RIBC2: variants seen among roughly 807,000 people sequenced by gnomAD.
The protein encoded by RIBC2 is RIB43A-like with coiled-coils protein 2.
A neutral mutation model predicts 44.3 loss-of-function variants in RIBC2; 40 were observed. The observed-to-expected ratio is 0.90, with a 90% confidence interval of 0.70 to 1.18. The LOEUF (loss-of-function observed/expected upper bound fraction) is 1.18. RIBC2 is among the 50% of genes most tolerant of loss of function. The probability of loss-of-function intolerance (pLI) is 0.00; values close to 1 mark genes in which losing one functional copy is unlikely to be tolerated. For missense variants in RIBC2, 459 were observed against 485.5 expected (o/e 0.95, Z 0.51); for synonymous variants, 171 against 175.0 (o/e 0.98, Z 0.18).
chr22:45,426,024 T>C lies in RIBC2; in HGVS notation c.752T>C (p.Leu251Pro). 6.2e-7 allele frequency: 1 copy of C among 1,614,010 alleles called. No homozygotes were observed. The highest frequency in any genetic ancestry group is 2.2e-5 in the East Asian group (1 of 44,872). Residue 251 changes from leucine (L) to proline (P), a missense_variant, in exon 5 of 7, where the codon CTC (leucine) becomes CCC (proline). Coordinates refer to ENST00000614167, the MANE Select transcript of RIBC2 (RefSeq NM_015653.5). ...GACAACTTGGCCGAGATCACCAACC[T>C]CCTGCGTGGGGACCTGCTCTCCGAG... is the stretch of plus-strand genomic sequence containing the variant. The part of the protein sequence containing the change: ...QEDNLAEITN[L>P]LRGDLLSENP...
chr22:45,414,357 C>A lies in RIBC2; in HGVS notation c.165C>A (p.Asp55Glu). The A allele has an allele frequency of 6.4e-7, 1 of 1,551,070 alleles. No individual in the cohort carries two copies. The highest frequency in any genetic ancestry group is 8.7e-7 in the Non-Finnish European group (1 of 1,146,742). Residue 55 changes from aspartate (D) to glutamate (E), a missense_variant, in exon 2 of 7, where the codon GAC becomes GAA. Transcript: ENST00000614167. The stretch of plus-strand genomic sequence containing the variant: ...AAGCCTGGGATGTTCAAGTTCATGA[C>A]CAGAAGATAAAAGAAGCTACTGAAA... ...DTEAWDVQVH[D>E]QKIKEATEKA... is the part of the protein sequence containing the mutation.
rs79630863 is a variant in RIBC2, at chr22:45,430,289, C to T, written c.904-611C>T. ...CAGCCCTAACAAAGCTGACAACACACGGGGAAGTACCCCTTCCTCCACACA... is the reference window on the plus strand; with the variant it reads ...CAGCCCTAACAAAGCTGACAACACATGGGGAAGTACCCCTTCCTCCACACA... On this transcript the variant is annotated intron_variant, in intron 5 of 6. Transcript: ENST00000614167. 6.2e-3 allele frequency among the ~76,000 whole-genome samples: 939 copies of T among 152,314 alleles called. 9 individuals carry two copies. Among genetic ancestry groups the T allele is most frequent in the Middle Eastern group, 0.051 (15 of 294 alleles).
chr22:45,413,732 C>G lies in RIBC2; in HGVS notation c.-155C>G. ...CGAGAGAGCGGGAGCGTCTGTACCT[C>G]TGCGGCGTCACTGGGAGCCCGACGG... On this transcript the variant is annotated 5_prime_UTR_variant, in exon 1 of 7. Coordinates refer to ENST00000614167, the MANE Select transcript of RIBC2 (RefSeq NM_015653.5). The G allele has an allele frequency of 8.3e-7, 1 of 1,200,400 alleles. No individual in the cohort carries two copies. The highest frequency in any genetic ancestry group is 1.2e-6 in the Non-Finnish European group (1 of 861,304). The allele number at this position is 1,200,400 out of a possible 1,614,324, so 74.4% of individuals were successfully genotyped here.
At chr22:45,432,146 A>T in intron 6 of RIBC2, 138 bp from the exon 7 acceptor site, 1 of 575,248 alleles carries the variant, frequency 1.7e-6, no homozygotes, top group Non-Finnish European at 3.1e-6. Context: ...TGGGGGGCTC[A>T]TTAGGTATGA....
At chr22:45,419,986 A>G (rs567110371) in intron 3 of RIBC2, among the ~76,000 whole-genome samples, 3 of 152,326 alleles carry the variant, frequency 2.0e-5, no homozygotes, top group African/African-American at 4.8e-5. Context: ...AGATTGTGCC[A>G]CTGCACTCCA....
At chr22:45,429,200 T>G (rs1420283736) in intron 5 of RIBC2, among the ~76,000 whole-genome samples, 1 of 152,148 alleles carries the variant, frequency 6.6e-6, no homozygotes, top group African/African-American at 2.4e-5. Flanking sequence ...GGGTGGGGCC[T>G]GCAGTCTGTG....
chr22:45,415,782 C>T (rs1380550367), intron 2 of RIBC2, among the ~76,000 whole-genome samples: 1 of 152,160 alleles, frequency 6.6e-6, no homozygotes, highest in East Asian at 1.9e-4. Context: ...TCACCGCAAC[C>T]TCCGCCTCCT....
intron 6 of RIBC2, 21 bp downstream of exon 6, chr22:45,431,087 G>A: frequency 1.3e-6 from 2 of 1,559,568 alleles, no homozygotes; most frequent in South Asian, 1.2e-5. Context: ...GGTGGGACCA[G>A]GGCCAGGTGG....
In RIBC2 at chr22:45,417,705, C is replaced by G; in HGVS notation, c.315C>G (p.Ser105Arg). The change falls in exon 3 of 7, where the codon AGC becomes AGG. Residue 105 changes from serine (S) to arginine (R), a missense_variant. Coordinates refer to ENST00000614167, the MANE Select transcript of RIBC2 (RefSeq NM_015653.5). ...LCRAINDFQQ[S>R]FQKPETRREF... Reference sequence around the variant, plus strand: ...GGGCTATCAATGACTTCCAACAGAGCTTTCAGAAGCCAGAAACTCGCCGTG... The same window carrying G: ...GGGCTATCAATGACTTCCAACAGAGGTTTCAGAAGCCAGAAACTCGCCGTG... 2 of 1,614,104 alleles carry G rather than the reference C, an allele frequency of 1.2e-6. No homozygotes were observed. The highest frequency in any genetic ancestry group is 1.7e-6 in the Non-Finnish European group (2 of 1,180,010).
chr22:45,415,104 C>CT (rs1436068624), intron 2 of RIBC2, among the ~76,000 whole-genome samples: 4 of 151,354 alleles, frequency 2.6e-5, no homozygotes, highest in African/African-American at 9.7e-5. Flanking sequence ...AAATTTCACA[C>CT]TTTGAGAGGC....
rs755926334 is a variant in RIBC2, at chr22:45,414,348, A to G, written c.156A>G (p.Gln52=). 2.2e-5 allele frequency: 34 copies of G among 1,551,162 alleles called. No homozygotes were observed. The East Asian group carries it at 2.4e-4, about 11-fold the overall frequency. Residue 52 remains glutamine, a synonymous_variant, in exon 2 of 7, where the codon CAA becomes CAG. Transcript: ENST00000614167. ...IGGDTEAWDV[Q]VHDQKIKEAT... ...GAGACACTGAAGCCTGGGATGTTCA[A>G]GTTCATGACCAGAAGATAAAAGAAG...
At chr22:45,431,845 C>T (rs2087583229) in intron 6 of RIBC2, among the ~76,000 whole-genome samples, 1 of 152,138 alleles carries the variant, frequency 6.6e-6, no homozygotes, top group East Asian at 1.9e-4. Flanking sequence ...TGGTGGCACA[C>T]AGTTGAAATC....
chr22:45,426,017 A>G lies in RIBC2; in HGVS notation c.745A>G (p.Thr249Ala). Residue 249 changes from threonine to alanine, a missense_variant, in exon 5 of 7, where the codon ACC (threonine) becomes GCC (alanine). By Grantham distance (58) the Thr-to-Ala change is moderately conservative. Coordinates refer to ENST00000614167, the MANE Select transcript of RIBC2 (RefSeq NM_015653.5). ...QEQEDNLAEI[T>A]NLLRGDLLSE... ...ACAAGAGGACAACTTGGCCGAGATC[A>G]CCAACCTCCTGCGTGGGGACCTGCT... 4 of 1,614,100 alleles carry G rather than the reference A, an allele frequency of 2.5e-6. No homozygotes were observed. Among genetic ancestry groups the G allele is most frequent in the Non-Finnish European group, 2.5e-6 (3 of 1,180,026 alleles).
intron 3 of RIBC2, among the ~76,000 whole-genome samples, chr22:45,421,879 T>C (rs2087488509): frequency 6.6e-6 from 1 of 152,054 alleles, no homozygotes; most frequent in Non-Finnish European, 1.5e-5. Flanking sequence ...ACTTCCTCCA[T>C]AGAGTCCTGT....
Position 45,421,498 on chromosome 22 carries a change from ATT to A in RIBC2, c.557-791_557-790del, listed in dbSNP as rs1243537178. Among the ~76,000 whole-genome samples the A allele has an allele frequency of 5.4e-4, 64 of 117,546 alleles. 2 individuals carry two copies. Among genetic ancestry groups the A allele is most frequent in the African/African-American group, 1.5e-3 (46 of 30,170 alleles). The allele number at this position is 117,546 out of a possible 152,430, so 77.1% of individuals were successfully genotyped here. ...CTTGGATGTCTAATTAATTATTATTATTAATAATAGTATTATTAATAATAATA... is the reference window on the plus strand; with the variant it reads ...CTTGGATGTCTAATTAATTATTATTAAATAATAGTATTATTAATAATAATA... On this transcript the variant is annotated intron_variant, in intron 3 of 6. Transcript: ENST00000614167.
At chr22:45,414,530 G>T (rs1296340399) in intron 2 of RIBC2, 127 bp downstream of exon 2, 2 of 565,524 alleles carry the variant, frequency 3.5e-6, no homozygotes, top group Non-Finnish European at 5.8e-6. Flanking sequence ...AATAGAGATA[G>T]GGTCTCACTA....
chr22:45,424,494 G>T (rs754817195), intron 4 of RIBC2, among the ~76,000 whole-genome samples: 12 of 152,230 alleles, frequency 7.9e-5, no homozygotes, highest in Non-Finnish European at 1.6e-4. Context: ...GTGTCGGTCA[G>T]AATGTGCTAA....
intron 2 of RIBC2, among the ~76,000 whole-genome samples, chr22:45,417,058 C>T (rs777023346): frequency 1.4e-4 from 22 of 151,880 alleles, no homozygotes; most frequent in Non-Finnish European, 2.9e-4. Context: ...CCTGCCACCA[C>T]GCCCGGCTAA....
intron 2 of RIBC2, among the ~76,000 whole-genome samples, chr22:45,416,854 C>A (rs889410771): frequency 4.5e-4 from 68 of 151,588 alleles, no homozygotes; most frequent in African/African-American, 1.6e-3. Context: ...ATGTTTCCCA[C>A]CTTGTATGGG....
Sources: gnomAD v4.1 joint callset for allele counts (sites outside exome capture counted in the v4.1 genomes callset) on GRCh38, gnomAD v4.1.1 for gene constraint, MANE v1.5 for transcripts, NCBI Gene and HGNC (gene_info 2026-07-23, HGNC 2026-07-21) for gene names.